The following EHBP1 variants were observed in gnomAD, a reference collection of about 807,000 sequenced individuals.
EHBP1 encodes the protein EH domain binding protein 1.
EHBP1 carries 55 observed loss-of-function variants against 144.0 expected under a neutral mutation model. That is an observed-to-expected ratio of 0.38 (90% CI 0.31 to 0.48). EHBP1 has a LOEUF of 0.48. Among genes scored for constraint, EHBP1 ranks in the 20% least tolerant of loss-of-function variants. EHBP1 has a pLI of 0.98. For missense variants in EHBP1, 1,200 were observed against 1,364.2 expected, an observed-to-expected ratio of 0.88 and a Z score of 1.90; for synonymous variants, 469 against 472.7, an observed-to-expected ratio of 0.99 and a Z score of 0.10.
chr2:62,935,589 T>C (rs1485540094), intron 10 of EHBP1, among the ~76,000 whole-genome samples: 3 of 152,062 alleles, frequency 2.0e-5, no homozygotes, highest in African/African-American at 2.4e-5. Context: ...TTATTAATTC[T>C]AATAAACTGT....
At chr2:62,898,827 C>T (rs900640453) in intron 10 of EHBP1, among the ~76,000 whole-genome samples, 2 of 152,042 alleles carry the variant, frequency 1.3e-5, no homozygotes, top group African/African-American at 2.4e-5. Context: ...CATCCTGGCT[C>T]GGCCTTTAAT....
intron 2 of EHBP1, among the ~76,000 whole-genome samples, chr2:62,733,226 T>C (rs2037784325): frequency 6.6e-6 from 1 of 152,246 alleles, no homozygotes; most frequent in South Asian, 2.1e-4. Context: ...TAAAAGGTTT[T>C]CTCTTTATCT....
intron 10 of EHBP1, among the ~76,000 whole-genome samples, chr2:62,910,369 A>G (rs929607345): frequency 7.9e-5 from 12 of 152,192 alleles, no homozygotes; most frequent in African/African-American, 2.9e-4. Context: ...AAGTTGTTGG[A>G]TAAAGCTTCT....
At chr2:62,723,391 G>GCAT (rs2036425872) in intron 2 of EHBP1, among the ~76,000 whole-genome samples, 2 of 151,788 alleles carry the variant, frequency 1.3e-5, no homozygotes, top group Admixed American at 6.6e-5. Flanking sequence ...ATGTGAGGTG[G>GCAT]GTCTCTTGAA....
At chr2:62,991,893 G>T (rs549019201) in intron 16 of EHBP1, among the ~76,000 whole-genome samples, 1 of 152,158 alleles carries the variant, frequency 6.6e-6, no homozygotes, top group Non-Finnish European at 1.5e-5. Context: ...AATTGGTGAT[G>T]AAAGTGTGTG....
intron 3 of EHBP1, among the ~76,000 whole-genome samples, chr2:62,755,652 A>T (rs1352986577): frequency 2.6e-5 from 4 of 152,192 alleles, no homozygotes; most frequent in Non-Finnish European, 5.9e-5. Flanking sequence ...ATATGTTTAT[A>T]GTTTGAGAGC....
At chr2:62,684,899 T>C (rs905294417) in intron 1 of EHBP1, among the ~76,000 whole-genome samples, 1 of 152,172 alleles carries the variant, frequency 6.6e-6, no homozygotes, top group African/African-American at 2.4e-5. Flanking sequence ...ACAGTGAAAT[T>C]TGTTGTCTCA....
intron 2 of EHBP1, among the ~76,000 whole-genome samples, chr2:62,732,292 G>A (rs548657481): frequency 6.6e-6 from 1 of 152,248 alleles, no homozygotes; most frequent in East Asian, 1.9e-4. Flanking sequence ...GGAATTCTCA[G>A]ACACTGTTGC....
At chr2:62,710,616 C>G (rs1192372589) in intron 2 of EHBP1, among the ~76,000 whole-genome samples, 1 of 151,940 alleles carries the variant, frequency 6.6e-6, no homozygotes, top group Non-Finnish European at 1.5e-5. Context: ...GAAAGTAACT[C>G]TTCTTTTTGT....
chr2:63,038,713 C>T (rs1259792281), intron 20 of EHBP1, 30 bp from the exon 21 acceptor site: 1 of 1,587,078 alleles, frequency 6.3e-7, no homozygotes, highest in Non-Finnish European at 8.6e-7. Context: ...TAGTAATTAG[C>T]ATATTGATGA....
chr2:62,894,923 AAGAAAGAGAGAG>A lies in EHBP1; in HGVS notation c.1185+20395_1185+20406del, dbSNP rs371984230. ...ACAGCAAGACCCTAGCAAAAACAGA[AAGAAAGAGAGAG>A]AGAGAGAGAGAGAGAGAGAGAATGC... On this transcript the variant is annotated intron_variant, in intron 10 of 22. Transcript: ENST00000431489. Among the ~76,000 whole-genome samples the A allele has an allele frequency of 5.6e-4, 30 of 53,216 alleles. 1 individual carries two copies. The highest frequency in any genetic ancestry group is 2.3e-3 in the African/African-American group (28 of 12,268). The allele number at this position is 53,216 out of a possible 152,430, so 34.9% of individuals were successfully genotyped here.
chr2:62,939,967 C>T, intron 10 of EHBP1: 1 of 278,486 alleles, frequency 3.6e-6, no homozygotes, highest in Non-Finnish European at 7.1e-6. Flanking sequence ...CTGGAGGAAC[C>T]AGAGGTGGTG....
At chr2:62,897,136 T>G (rs1168470100) in intron 10 of EHBP1, among the ~76,000 whole-genome samples, 1 of 152,184 alleles carries the variant, frequency 6.6e-6, no homozygotes, top group Non-Finnish European at 1.5e-5. Flanking sequence ...TCCTCGTAGT[T>G]TTTACACACA....
At chr2:62,825,559 G>A (rs1352245825) in intron 5 of EHBP1, among the ~76,000 whole-genome samples, 3 of 150,830 alleles carry the variant, frequency 2.0e-5, no homozygotes, top group South Asian at 4.2e-4. Context: ...AAGGCCTGGG[G>A]AAGAAATAAG....
chr2:62,997,561 G>A (rs1258817593), intron 19 of EHBP1, among the ~76,000 whole-genome samples: 1 of 151,124 alleles, frequency 6.6e-6, no homozygotes, highest in Non-Finnish European at 1.5e-5. Flanking sequence ...AAGAAAAAAA[G>A]TCAAAAAATA....
intron 2 of EHBP1, among the ~76,000 whole-genome samples, chr2:62,727,447 A>G (rs1271241143): frequency 6.6e-6 from 1 of 151,940 alleles, no homozygotes; most frequent in Non-Finnish European, 1.5e-5. Flanking sequence ...AAAATCCCGT[A>G]CCTGTTAGCA....
intron 21 of EHBP1, chr2:63,043,917 G>GTTTTTTTTTTTTT (rs1559110359): frequency 8.3e-5 from 3 of 36,166 alleles, no homozygotes; most frequent in African/African-American, 2.9e-4. Flanking sequence ...AGTGGCCATG[G>GTTTTTTTTTTTTT]TTCTTTTTTT....
chr2:62,858,745 A>G (rs547358883), intron 7 of EHBP1, among the ~76,000 whole-genome samples: 6 of 152,328 alleles, frequency 3.9e-5, no homozygotes, highest in Admixed American at 2.0e-4. Context: ...TTCTAAGATA[A>G]TACTTGGTCA....
Position 62,864,945 on chromosome 2 carries a change from T to C in EHBP1, c.972T>C (p.Ser324=). 1 of 1,613,232 alleles carries C rather than the reference T, an allele frequency of 6.2e-7. No individual in the cohort carries two copies. Among genetic ancestry groups the C allele is most frequent in the Non-Finnish European group, 8.5e-7 (1 of 1,179,822 alleles). The part of the protein sequence containing the change: ...DMSKYLYADS[S]KTEEEELDES... Reference sequence around the variant, plus strand: ...GCAAGTACCTCTATGCTGATAGTTCTAAAACTGAAGAAGAAGAATTGGATG... The same window carrying C: ...GCAAGTACCTCTATGCTGATAGTTCCAAAACTGAAGAAGAAGAATTGGATG... The change falls in exon 9 of 23, where the codon TCT becomes TCC. Residue 324 remains serine (S), a synonymous_variant. Transcript: ENST00000431489.
Sources: gnomAD v4.1 joint callset for allele counts (sites outside exome capture counted in the v4.1 genomes callset) on GRCh38, gnomAD v4.1.1 for gene constraint, MANE v1.5 for transcripts, NCBI Gene and HGNC (gene_info 2026-07-23, HGNC 2026-07-21) for gene names.